Variants in PTK7 observed in about 807,000 individuals in gnomAD.
PTK7 encodes inactive tyrosine-protein kinase 7.
Under a neutral mutation model 116.6 loss-of-function variants are expected in PTK7, and 39 were observed. The ratio of observed to expected loss-of-function variants is 0.33; its 90% CI spans 0.26 to 0.44. The LOEUF is 0.44. Among genes scored for constraint, PTK7 ranks in the 20% least tolerant of loss-of-function variants. The probability of loss-of-function intolerance (pLI) is 1.00; values close to 1 mark genes in which losing one functional copy is unlikely to be tolerated. For synonymous variants in PTK7, 546 were observed against 563.6 expected (o/e 0.97, Z 0.44); for missense variants, 1,169 against 1,425.6 (o/e 0.82, Z 2.90).
intron 17 of PTK7, among the ~76,000 whole-genome samples, chr6:43,149,495 A>G (rs1770948330): frequency 6.6e-6 from 1 of 152,244 alleles, no homozygotes; most frequent in Admixed American, 6.5e-5. Context: ...AGCTCATTAA[A>G]GTTCAAGGAG....
chr6:43,154,420 T>A (rs939056956), intron 17 of PTK7, among the ~76,000 whole-genome samples: 1 of 152,194 alleles, frequency 6.6e-6, no homozygotes, highest in Admixed American at 6.5e-5. Context: ...CCATTGTTTT[T>A]AAAAAACTTT....
intron 5 of PTK7, 185 bp from the exon 6 acceptor site, chr6:43,131,831 G>A (rs551763252): frequency 9.5e-6 from 7 of 737,668 alleles, no homozygotes; most frequent in South Asian, 1.8e-5. Context: ...ACACCTGCAC[G>A]TGCACCTGAG....
chr6:43,092,843 T>C (rs1767028651), intron 1 of PTK7, among the ~76,000 whole-genome samples: 1 of 152,224 alleles, frequency 6.6e-6, no homozygotes, highest in Non-Finnish European at 1.5e-5. Context: ...CTGTGGTGGT[T>C]ATAGCTGTGA....
intron 18 of PTK7, 143 bp from the exon 19 acceptor site, chr6:43,159,645 A>G: frequency 2.6e-6 from 2 of 781,760 alleles, no homozygotes; most frequent in South Asian, 3.1e-5. Flanking sequence ...CATGCTCAGC[A>G]CGCATGTGAC....
At position 43,159,948 on chromosome 6, in the gene PTK7, G is replaced by A. The variant is rs757632849; in HGVS notation, c.3034G>A (p.Asp1012Asn). 1.2e-6 allele frequency: 2 copies of A among 1,613,972 alleles called. No homozygotes were observed. Among genetic ancestry groups the A allele is most frequent in the Non-Finnish European group, 1.7e-6 (2 of 1,179,894 alleles). Reference sequence around the variant, plus strand: ...AGAGATGCCCCATGGTGGGCAGGCAGATGATGAAGTACTGGCAGGTAGGCA... The same window carrying A: ...AGAGATGCCCCATGGTGGGCAGGCAAATGATGAAGTACTGGCAGGTAGGCA... ...HGEMPHGGQA[D>N]DEVLADLQAG... Residue 1012 changes from aspartate to asparagine, a missense_variant, in exon 19 of 20, where the codon GAT (aspartate) becomes AAT (asparagine). Asp to Asn is a conservative substitution (Grantham distance 23, BLOSUM62 1). Around this residue, in one of 3 missense-constraint regions of PTK7, gnomAD observed 678 missense variants for 853.8 expected, o/e 0.79. Transcript: ENST00000230419.
At chr6:43,095,565 A>G (rs1164884228) in intron 1 of PTK7, among the ~76,000 whole-genome samples, 8 of 152,174 alleles carry the variant, frequency 5.3e-5, no homozygotes, top group African/African-American at 1.9e-4. Context: ...ATGGAAGGCA[A>G]GAACTTAAGA....
Position 43,139,566 on chromosome 6 carries a change from T to C in PTK7, c.1618+41T>C. The C allele has an allele frequency of 6.2e-7, 1 of 1,611,270 alleles. No homozygotes were observed. Among genetic ancestry groups the C allele is most frequent in the Non-Finnish European group, 8.5e-7 (1 of 1,179,144 alleles). On this transcript the variant is annotated intron_variant, in intron 10 of 19. Coordinates refer to ENST00000230419, the MANE Select transcript of PTK7 (RefSeq NM_002821.5). The surrounding 1 kb of genome is among the most constrained non-coding windows in gnomAD (Gnocchi z 4.6). Reference sequence around the variant, plus strand: ...GCATAGGGTAGGGGCAGGCAGGCAGTTCACTGATCAGATACATACCTGAGG... The same window carrying C: ...GCATAGGGTAGGGGCAGGCAGGCAGCTCACTGATCAGATACATACCTGAGG...
intron 14 of PTK7, 163 bp from the exon 15 acceptor site, chr6:43,144,288 G>A: frequency 2.6e-6 from 2 of 765,158 alleles, no homozygotes; most frequent in Non-Finnish European, 4.2e-6. Flanking sequence ...CCCCCACCCA[G>A]CCCCAGCCCC....
intron 1 of PTK7, among the ~76,000 whole-genome samples, chr6:43,107,762 A>C (rs139802467): frequency 6.6e-6 from 1 of 152,220 alleles, no homozygotes; most frequent in African/African-American, 2.4e-5. Context: ...GTTCCACATC[A>C]TGTTGGGATA....
At chr6:43,084,557 G>C (rs948195860) in intron 1 of PTK7, among the ~76,000 whole-genome samples, 1 of 152,212 alleles carries the variant, frequency 6.6e-6, no homozygotes, top group African/African-American at 2.4e-5. Flanking sequence ...GTGGTGTTGA[G>C]AAAAAGGGTG....
At chr6:43,093,888 A>G (rs1767092345) in intron 1 of PTK7, among the ~76,000 whole-genome samples, 1 of 152,202 alleles carries the variant, frequency 6.6e-6, no homozygotes, top group Non-Finnish European at 1.5e-5. Context: ...CTGGACCCAA[A>G]TACCCCCTAA....
intron 17 of PTK7, 122 bp from the exon 18 acceptor site, chr6:43,158,695 G>T (rs1771660273): frequency 9.7e-7 from 1 of 1,030,274 alleles, no homozygotes; most frequent in Admixed American, 2.5e-5. Context: ...TGAGGCTGTT[G>T]TGCTTCTGGG....
At position 43,141,171 on chromosome 6, in the gene PTK7, A is replaced by T. The variant is rs981867369; in HGVS notation, c.1619-497A>T. Among the ~76,000 whole-genome samples the T allele has an allele frequency of 6.6e-6, 1 of 152,182 alleles. No individual in the cohort carries two copies. The highest frequency in any genetic ancestry group is 2.4e-5 in the African/African-American group (1 of 41,440). ...CGAAAGGGGGTATGAACATTTTTAT[A>T]GCCCTTGATGTGAGTTGCCAAATTA... On this transcript the variant is annotated intron_variant, in intron 10 of 19. Transcript: ENST00000230419. The surrounding 1 kb of genome is among the most constrained non-coding windows in gnomAD (Gnocchi z 4.9).
At chr6:43,109,218 T>A (rs1398842179) in intron 1 of PTK7, among the ~76,000 whole-genome samples, 1 of 152,190 alleles carries the variant, frequency 6.6e-6, no homozygotes, top group Non-Finnish European at 1.5e-5. Flanking sequence ...TATCTTATTT[T>A]TTTAAAGAGA....
chr6:43,087,027 C>G (rs190049033), intron 1 of PTK7, among the ~76,000 whole-genome samples: 4 of 152,300 alleles, frequency 2.6e-5, no homozygotes, highest in Admixed American at 2.6e-4. Flanking sequence ...CTCTTTGTTT[C>G]CCAGCTGATG....
chr6:43,157,167 G>GTT (rs767249946), intron 17 of PTK7, among the ~76,000 whole-genome samples: 3 of 129,936 alleles, frequency 2.3e-5, no homozygotes, highest in East Asian at 2.3e-4. Flanking sequence ...GTTGGATTGT[G>GTT]GTTTTTTTTT....
At position 43,129,317 on chromosome 6, in the gene PTK7, A is replaced by G; in HGVS notation, c.367+53A>G. The G allele has an allele frequency of 6.3e-7, 1 of 1,594,008 alleles. No homozygotes were observed. The highest frequency in any genetic ancestry group is 8.6e-7 in the Non-Finnish European group (1 of 1,165,416). ...CCCCCTGTCAGACCCTCAATGACTG[A>G]GGCCTGGGGGATCCCTCCCTTACCT... On this transcript the variant is annotated intron_variant, in intron 2 of 19. Coordinates refer to ENST00000230419, the MANE Select transcript of PTK7 (RefSeq NM_002821.5). This position sits in a 1 kb window ranked among gnomAD's most constrained non-coding sequence, Gnocchi z 4.5.
At chr6:43,079,590 C>G (rs943499394) in intron 1 of PTK7, among the ~76,000 whole-genome samples, 8 of 152,022 alleles carry the variant, frequency 5.3e-5, no homozygotes, top group African/African-American at 1.9e-4. Context: ...TCCCTGTATA[C>G]TTTTGTTTTG....
intron 1 of PTK7, among the ~76,000 whole-genome samples, chr6:43,080,753 A>C (rs553525397): frequency 6.6e-6 from 1 of 152,230 alleles, no homozygotes; most frequent in East Asian, 1.9e-4. Flanking sequence ...ACCAGCCTGG[A>C]CAACATGGTG....
Sources: gnomAD v4.1 joint callset for allele counts (sites outside exome capture counted in the v4.1 genomes callset) on GRCh38, gnomAD v4.1.1 for gene constraint, gnomAD v4.1.1 regional missense constraint, Gnocchi (gnomAD v3.1) non-coding constraint, MANE v1.5 for transcripts, NCBI Gene and HGNC (gene_info 2026-07-23, HGNC 2026-07-21) for gene names.